The following TNK1 variants were observed in gnomAD, a reference collection of about 807,000 sequenced individuals.
TNK1 encodes non-receptor tyrosine-protein kinase TNK1.
A neutral mutation model predicts 65.2 loss-of-function variants in TNK1; 53 were observed. That is an observed-to-expected ratio of 0.81 (90% CI 0.65 to 1.02). The LOEUF is 1.02. TNK1 is among the 50% of genes least tolerant of loss of function. The pLI, the probability that TNK1 is intolerant of heterozygous loss-of-function variation, is 0.00. For missense variants in TNK1, 837 were observed against 878.4 expected (o/e 0.95, Z 0.60); for synonymous variants, 353 against 364.6 (o/e 0.97, Z 0.36).
rs531543476 is a variant in TNK1 at position 7,382,636 on chromosome 17, G to A, written c.-91-200G>A. ...CAGAGTCAGGATGGTAACATACCTG[G>A]AGTCTGTAGTAGGAGCAGGCAGTAT... On this transcript the variant is annotated intron_variant, in intron 1 of 12. Transcript: ENST00000688331. This position sits in a 1 kb window ranked among gnomAD's most constrained non-coding sequence, Gnocchi z 4.1. Among the ~76,000 whole-genome samples the A allele has an allele frequency of 2.6e-5, 4 of 152,326 alleles. No individual in the cohort carries two copies. Among genetic ancestry groups the A allele is most frequent in the Admixed American group, 2.0e-4 (3 of 15,292 alleles).
In TNK1 at chr17:7,382,179, T is replaced by C. The variant is rs1904855112; in HGVS notation, c.-91-657T>C. ...TACTTGGGAGGCTGAGGCAGAAGAA[T>C]TGCTTGAACCCGGGAGGCGGAGGTT... is the stretch of plus-strand genomic sequence containing the variant. On this transcript the variant is annotated intron_variant, in intron 1 of 12. Transcript: ENST00000688331. This position sits in a 1 kb window ranked among gnomAD's most constrained non-coding sequence, Gnocchi z 4.1. Among the ~76,000 whole-genome samples, 1 of 151,924 alleles carries C rather than the reference T, an allele frequency of 6.6e-6. No individual in the cohort carries two copies. Among genetic ancestry groups the C allele is most frequent in the African/African-American group, 2.4e-5 (1 of 41,332 alleles).
chr17:7,384,792 T>C (rs1567646438), intron 7 of TNK1, 38 bp downstream of exon 7: 1 of 1,542,806 alleles, frequency 6.5e-7, no homozygotes, highest in East Asian at 2.4e-5. Context: ...ACAGTCCCTC[T>C]TCCCTCCATT....
chr17:7,384,230 G>T lies in TNK1; in HGVS notation c.843G>T (p.Gly281=). Residue 281 remains glycine, a synonymous_variant, in exon 6 of 13, where the codon GGG becomes GGT. Coordinates refer to ENST00000688331, the MANE Select transcript of TNK1 (RefSeq NM_003985.6). ...CCCGGGGCCGCTACGTCATGGGCGGGCCCCGCCCTATCCCCTACGCCTGGT... is the reference window on the plus strand; with the variant it reads ...CCCGGGGCCGCTACGTCATGGGCGGTCCCCGCCCTATCCCCTACGCCTGGT... ...GGARGRYVMG[G]PRPIPYAWCA... is the part of the protein sequence containing the mutation. 1 of 1,505,414 alleles carries T rather than the reference G, an allele frequency of 6.6e-7. No individual in the cohort carries two copies. The allele number at this position is 1,505,414 out of a possible 1,614,324, so 93.3% of individuals were successfully genotyped here.
In TNK1 at chr17:7,386,581, T is replaced by A. The variant is rs1458085310; in HGVS notation, c.1158T>A (p.Cys386Ter). ...CACAGGCCGGGCCTTCGGAAGCATG[T>A]TGTGTGAGGGATGTCACAGAACCAG... ...LLQEAGPSEA[C>*]CVRDVTEPGA... The change falls in exon 8 of 13, where the codon TGT (cysteine) becomes TGA (stop). Residue 386 changes from cysteine (C) to a stop codon, truncating the protein, a stop_gained. Coordinates refer to ENST00000688331, the MANE Select transcript of TNK1 (RefSeq NM_003985.6). LOFTEE classifies it high-confidence loss of function. 6.2e-7 allele frequency: 1 copy of A among 1,604,746 alleles called. No individual in the cohort carries two copies. Among genetic ancestry groups the A allele is most frequent in the African/African-American group, 1.3e-5 (1 of 74,842 alleles).
At chr17:7,385,589 C>CAG (rs71157279) in intron 7 of TNK1, among the ~76,000 whole-genome samples, 151,698 of 152,144 alleles carry the variant, frequency 1, 75,629 homozygotes, top group Middle Eastern at 1. Flanking sequence ...TATTTTGAGA[C>CAG]AGTCTTGCTC....
Position 7,388,262 on chromosome 17 carries a change from C to T in TNK1, c.1478-144C>T. On this transcript the variant is annotated intron_variant, in intron 10 of 12. Coordinates refer to ENST00000688331, the MANE Select transcript of TNK1 (RefSeq NM_003985.6). This position sits in a 1 kb window ranked among gnomAD's most constrained non-coding sequence, Gnocchi z 4.5. ...GCAATGTGCCGAAACCCCTTCTCTA[C>T]AAAAATACAAAAATTAGCCAGTCGT... 1.1e-6 allele frequency: 1 copy of T among 874,348 alleles called. No individual in the cohort carries two copies. The highest frequency in any genetic ancestry group is 2.9e-5 in the Admixed American group (1 of 33,900). 54.2% of individuals were successfully genotyped at this position (874,348 alleles called of 1,614,324 possible). A position where few individuals can be genotyped will look rare whatever the true frequency, so the allele number is the denominator to read the frequency against.
intron 4 of TNK1, 33 bp from the exon 5 acceptor site, chr17:7,383,676 G>C: frequency 6.2e-7 from 1 of 1,603,346 alleles, no homozygotes; most frequent in African/African-American, 1.3e-5. Flanking sequence ...CTTCATGCCC[G>C]CAATGCCTAA....
intron 8 of TNK1, 57 bp from the exon 9 acceptor site, chr17:7,386,933 C>T: frequency 6.7e-7 from 1 of 1,487,224 alleles, no homozygotes; most frequent in South Asian, 1.3e-5. Flanking sequence ...TGGGCCAGGG[C>T]CCAGCCCTAA....
chr17:7,383,343 T>C (rs1188887451), intron 3 of TNK1, 23 bp downstream of exon 3: 2 of 1,613,996 alleles, frequency 1.2e-6, no homozygotes, highest in East Asian at 2.2e-5. Flanking sequence ...GGTGGGCAGC[T>C]TGGGCCTGGG....
chr17:7,385,707 G>A (rs1372959292), intron 7 of TNK1, among the ~76,000 whole-genome samples: 1 of 152,094 alleles, frequency 6.6e-6, no homozygotes, highest in South Asian at 2.1e-4. Flanking sequence ...TGGGATTACA[G>A]GCGCCTGCCA....
chr17:7,383,244 C>T lies in TNK1; in HGVS notation c.164-6C>T. On this transcript the variant is annotated splice_polypyrimidine_tract_variant and splice_region_variant and intron_variant, in intron 2 of 12. Coordinates refer to ENST00000688331, the MANE Select transcript of TNK1 (RefSeq NM_003985.6). ...CCACTCCAGCCCTGATTCTGGCCTC[C>T]CACAGCCCAGCGCAGACTGTCCGAA... is the stretch of plus-strand genomic sequence containing the variant. The T allele has an allele frequency of 6.2e-7, 1 of 1,614,026 alleles. No homozygotes were observed. Among genetic ancestry groups the T allele is most frequent in the East Asian group, 2.2e-5 (1 of 44,884 alleles).
At position 7,388,459 on chromosome 17, in the gene TNK1, G is replaced by GACCT. The variant is rs1198956920; in HGVS notation, c.1531_1532insACCT (p.Gly511AspfsTer8). Reference sequence around the variant, plus strand: ...GTCCCTCGGTCCTCGTCCCACAGGGGGTGGTTCAAGCCCCCCTGAAATTCG... The same window carrying GACCT: ...GTCCCTCGGTCCTCGTCCCACAGGGGACCTGTGGTTCAAGCCCCCCTGAAATTCG... On this transcript the variant is annotated frameshift_variant, in exon 11 of 13. Coordinates refer to ENST00000688331, the MANE Select transcript of TNK1 (RefSeq NM_003985.6). LOFTEE classifies it high-confidence loss of function. This position sits in a 1 kb window ranked among gnomAD's most constrained non-coding sequence, Gnocchi z 4.5. 1.9e-6 allele frequency: 3 copies of GACCT among 1,613,854 alleles called. No individual in the cohort carries two copies. Among genetic ancestry groups the GACCT allele is most frequent in the Non-Finnish European group, 2.5e-6 (3 of 1,179,812 alleles).
At position 7,389,000 on chromosome 17, in the gene TNK1, G is replaced by A; in HGVS notation, c.1902G>A (p.Arg634=). ...ATCAGCTCTTCCACCTGAGTAGCCG[G>A]TCCAGAGCTGACTGCTGGCGCATCC... The part of the protein sequence containing the change: ...KVDQLFHLSS[R]SRADCWRILE... The change falls in exon 13 of 13, where the codon CGG becomes CGA. Residue 634 remains arginine, a synonymous_variant. Coordinates refer to ENST00000688331, the MANE Select transcript of TNK1 (RefSeq NM_003985.6). The surrounding 1 kb of genome is among the most constrained non-coding windows in gnomAD (Gnocchi z 4.5). The A allele has an allele frequency of 6.4e-7, 1 of 1,554,544 alleles. No individual in the cohort carries two copies. The highest frequency in any genetic ancestry group is 8.7e-7 in the Non-Finnish European group (1 of 1,148,560).
rs777339229 is a variant in TNK1, at chr17:7,384,012, A to ACGGCCC, written c.634_639dup (p.Ala212_Pro213dup). Reference sequence around the variant, plus strand: ...ACTGGGCTCCCTGCACGCGCGCCTAACGGCCCCGGCCCCGACACCCCCGCT... The same window carrying ACGGCCC: ...ACTGGGCTCCCTGCACGCGCGCCTAACGGCCCCGGCCCCGGCCCCGACACCCCCGCT... On this transcript the variant is annotated inframe_insertion, in exon 6 of 13. Coordinates refer to ENST00000688331, the MANE Select transcript of TNK1 (RefSeq NM_003985.6). 3 of 1,499,190 alleles carry ACGGCCC rather than the reference A, an allele frequency of 2.0e-6. No individual in the cohort carries two copies. The highest frequency in any genetic ancestry group is 2.8e-5 in the African/African-American group (2 of 71,602). 92.9% of individuals were successfully genotyped at this position (1,499,190 alleles called of 1,614,324 possible). A position where few individuals can be genotyped will look rare whatever the true frequency, so the allele number is the denominator to read the frequency against.
upstream of TNK1, chr17:7,380,621 T>C (rs1175846147): frequency 6.6e-6 from 1 of 152,158 alleles, no homozygotes; most frequent in Non-Finnish European, 1.5e-5. Flanking sequence ...CATTCCAGGG[T>C]TCATTAAGTA....
chr17:7,387,543 A>G, intron 10 of TNK1, 86 bp downstream of exon 10: 1 of 1,124,516 alleles, frequency 8.9e-7, no homozygotes, highest in Non-Finnish European at 1.3e-6. Flanking sequence ...ATGCCTTTGC[A>G]TCTATTATTT....
rs774010066 is a variant in TNK1, at chr17:7,383,667, T to C, written c.427-42T>C. 25 of 1,601,696 alleles carry C rather than the reference T, an allele frequency of 1.6e-5. No homozygotes were observed. In the Admixed American group the frequency reaches 4.1e-4, roughly 26 times the overall value. On this transcript the variant is annotated intron_variant, in intron 4 of 12. Coordinates refer to ENST00000688331, the MANE Select transcript of TNK1 (RefSeq NM_003985.6). The stretch of plus-strand genomic sequence containing the variant: ...TCCAGGCCAGCTGCCCCCTCTGTTC[T>C]TCATGCCCGCAATGCCTAAAGGCGC...
In TNK1 at chr17:7,382,749, TG is replaced by T; in HGVS notation, c.-91-84del. ...GCCTGGGCACGGGGAACATTCTATCTGGGATTTGTGTGCGTGAGTGGCAGGG... is the reference window on the plus strand; with the variant it reads ...GCCTGGGCACGGGGAACATTCTATCTGGATTTGTGTGCGTGAGTGGCAGGG... On this transcript the variant is annotated intron_variant, in intron 1 of 12. Transcript: ENST00000688331. The surrounding 1 kb of genome is among the most constrained non-coding windows in gnomAD (Gnocchi z 4.1). 1 of 673,788 alleles carries T rather than the reference TG, an allele frequency of 1.5e-6. No homozygotes were observed. The highest frequency in any genetic ancestry group is 2.5e-6 in the Non-Finnish European group (1 of 406,164). The allele number at this position is 673,788 out of a possible 1,614,324, so 41.7% of individuals were successfully genotyped here.
chr17:7,381,267 C>A (rs550670920), intron 1 of TNK1, among the ~76,000 whole-genome samples, 153 bp downstream of exon 1: 3 of 152,140 alleles, frequency 2.0e-5, no homozygotes, highest in Admixed American at 6.5e-5. Context: ...TTCTGCGCTC[C>A]CCGCTTCCCA....
Sources: gnomAD v4.1 joint callset for allele counts (sites outside exome capture counted in the v4.1 genomes callset) on GRCh38, gnomAD v4.1.1 for gene constraint, Gnocchi (gnomAD v3.1) non-coding constraint, MANE v1.5 for transcripts, NCBI Gene and HGNC (gene_info 2026-07-23, HGNC 2026-07-21) for gene names.